The following MEP1A variants were observed in gnomAD, a reference collection of about 807,000 sequenced individuals.
MEP1A encodes meprin A subunit alpha.
Under a neutral mutation model 84.5 loss-of-function variants are expected in MEP1A, and 68 were observed. That is an observed-to-expected ratio of 0.80 (90% CI 0.66 to 0.98). The LOEUF is 0.98. MEP1A is among the 50% of genes least tolerant of loss of function. MEP1A has a pLI of 0.00. For synonymous variants in MEP1A, 337 were observed against 336.8 expected (o/e 1.00, Z -0.01); for missense variants, 887 against 919.9 (o/e 0.96, Z 0.46).
intron 3 of MEP1A, among the ~76,000 whole-genome samples, chr6:46,797,197 C>T (rs996897767): frequency 5.9e-5 from 9 of 152,204 alleles, no homozygotes; most frequent in African/African-American, 1.4e-4. Context: ...TCTGTTGGCT[C>T]GTGAGACTGT....
chr6:46,817,056 A>G (rs1225114439), intron 6 of MEP1A, among the ~76,000 whole-genome samples: 1 of 152,214 alleles, frequency 6.6e-6, no homozygotes, highest in African/African-American at 2.4e-5. Context: ...CAGATGCTCC[A>G]GTTTTCTAGG....
intron 9 of MEP1A, among the ~76,000 whole-genome samples, chr6:46,828,744 T>C (rs1768004162): frequency 6.6e-6 from 1 of 152,202 alleles, no homozygotes; most frequent in African/African-American, 2.4e-5. Flanking sequence ...TAGACACTTT[T>C]CACCCTCTTC....
rs1337162817 is a variant in MEP1A, at chr6:46,833,285, C to A, written c.1356C>A (p.Asp452Glu). Residue 452 changes from aspartate to glutamate, a missense_variant, in exon 11 of 14, where the codon GAC (aspartate) becomes GAA (glutamate). Physicochemically the swap from Asp to Glu is conservative, Grantham distance 45. Coordinates refer to ENST00000230588, the MANE Select transcript of MEP1A (RefSeq NM_005588.3). The part of the protein sequence containing the change: ...SQVLENTSKG[D>E]KLQSPRFYNS... ...TCCTTGAGAACACCAGCAAAGGGGA[C>A]AAGCTTCAGAGCCCTCGATTCTACA... 6.2e-7 allele frequency: 1 copy of A among 1,614,084 alleles called. No individual in the cohort carries two copies. Among genetic ancestry groups the A allele is most frequent in the African/African-American group, 1.3e-5 (1 of 74,930 alleles).
chr6:46,801,067 G>A (rs1425159301), intron 5 of MEP1A, among the ~76,000 whole-genome samples: 1 of 151,966 alleles, frequency 6.6e-6, no homozygotes, highest in Non-Finnish European at 1.5e-5. Flanking sequence ...TTCTGTTGGG[G>A]CTAGTATGAA....
chr6:46,835,198 G>A, intron 12 of MEP1A, 51 bp from the exon 13 acceptor site: 1 of 1,464,116 alleles, frequency 6.8e-7, no homozygotes, highest in Non-Finnish European at 9.2e-7. Flanking sequence ...GGAGTTAATT[G>A]TAGTCAGTTA....
At chr6:46,797,871 TTTCCTTCCTTCC>T (rs1162981215) in intron 3 of MEP1A, among the ~76,000 whole-genome samples, 36 of 106,998 alleles carry the variant, frequency 3.4e-4, no homozygotes, top group South Asian at 1.0e-3. Context: ...ACTTTCTACC[TTTCCTTCCTTCC>T]TTCCTTCCTT....
chr6:46,807,964 A>G (rs1456811089), intron 5 of MEP1A, among the ~76,000 whole-genome samples: 1 of 152,010 alleles, frequency 6.6e-6, no homozygotes, highest in African/African-American at 2.4e-5. Flanking sequence ...AATAATGTTG[A>G]GGTAGTTTTT....
chr6:46,831,401 C>G (rs1331426987), intron 10 of MEP1A, among the ~76,000 whole-genome samples: 1 of 152,152 alleles, frequency 6.6e-6, no homozygotes, highest in Non-Finnish European at 1.5e-5. Context: ...TATGTACACA[C>G]ACATGCACAC....
chr6:46,817,532 T>A (rs1767668720), intron 6 of MEP1A, among the ~76,000 whole-genome samples: 1 of 152,174 alleles, frequency 6.6e-6, no homozygotes, highest in Non-Finnish European at 1.5e-5. Context: ...TTCAAGGAAG[T>A]GCTAAAACCC....
intron 11 of MEP1A, 117 bp downstream of exon 11, chr6:46,833,655 A>G (rs1229832157): frequency 1.3e-6 from 1 of 749,132 alleles, no homozygotes; most frequent in Non-Finnish European, 2.2e-6. Flanking sequence ...GGGAATACCA[A>G]TAACATAGTC....
At chr6:46,831,183 T>C (rs1221305808) in intron 10 of MEP1A, among the ~76,000 whole-genome samples, 1 of 152,216 alleles carries the variant, frequency 6.6e-6, no homozygotes, top group Non-Finnish European at 1.5e-5. Flanking sequence ...AAAAGGTTAG[T>C]TGAATATCAC....
chr6:46,805,756 T>C lies in MEP1A; in HGVS notation c.263-3664T>C, dbSNP rs1767298176. On this transcript the variant is annotated intron_variant, in intron 5 of 13. Transcript: ENST00000230588. ...TGGTATGCTTATGCTGATTTTCTTT[T>C]TATCTATCCTGTTTGGGCTCACCAA... Among the ~76,000 whole-genome samples the C allele has an allele frequency of 3.3e-5, 5 of 151,982 alleles. No individual in the cohort carries two copies. The South Asian group carries it at 1.0e-3, about 31-fold the overall frequency.
rs1362506098 is a variant in MEP1A, at chr6:46,835,948, T to C, written c.2084+399T>C. ...GTTATTAGTTCCTAATTATTATTAG[T>C]TCTATAGTCTGTCATTTACACTGTA... On this transcript the variant is annotated intron_variant, in intron 13 of 13. Coordinates refer to ENST00000230588, the MANE Select transcript of MEP1A (RefSeq NM_005588.3). Among the ~76,000 whole-genome samples, 24 of 152,218 alleles carry C rather than the reference T, an allele frequency of 1.6e-4. 2 individuals are homozygous for C. The highest frequency in any genetic ancestry group is 1.6e-3 in the Admixed American group (24 of 15,288).
At chr6:46,836,793 A>ATTTTTTTTTTTTTTTTTTTTTTTTTT in intron 13 of MEP1A, among the ~76,000 whole-genome samples, 1 of 142,092 alleles carries the variant, frequency 7.0e-6, no homozygotes. Flanking sequence ...CTGGTCAGGG[A>ATTTTTTTTTTTTTTTTTTTTTTTTTT]TTTTTTTTTT....
chr6:46,833,056 C>T lies in MEP1A; in HGVS notation c.1145-18C>T. The T allele has an allele frequency of 7.0e-7, 1 of 1,427,660 alleles. No homozygotes were observed. The highest frequency in any genetic ancestry group is 9.5e-7 in the Non-Finnish European group (1 of 1,054,288). 88.4% of individuals were successfully genotyped at this position (1,427,660 alleles called of 1,614,324 possible). A position where few individuals can be genotyped will look rare whatever the true frequency, so the allele number is the denominator to read the frequency against. On this transcript the variant is annotated intron_variant, in intron 10 of 13. Coordinates refer to ENST00000230588, the MANE Select transcript of MEP1A (RefSeq NM_005588.3). Reference sequence around the variant, plus strand: ...AGTGTTGGTCACAGTTCTCACCAGCCTTGTTCTCTGTCCTCAGGAGATGAT... The same window carrying T: ...AGTGTTGGTCACAGTTCTCACCAGCTTTGTTCTCTGTCCTCAGGAGATGAT...
At position 46,829,392 on chromosome 6, in the gene MEP1A, G is replaced by A. The variant is rs1389135912; in HGVS notation, c.965G>A (p.Gly322Glu). ...GYFMQFSTSSGSAEEAALLES... is the reference protein window; with the variant it reads ...GYFMQFSTSSESAEEAALLES... ...TTCATGCAGTTCAGCACCAGCTCGG[G>A]GTCCGCGGAAGAGGCAGCCCTACTG... The change falls in exon 10 of 14, where the codon GGG becomes GAG. Residue 322 changes from glycine to glutamate, a missense_variant. Gly to Glu is a moderately conservative substitution (Grantham distance 98). Transcript: ENST00000230588. 3 of 1,613,886 alleles carry A rather than the reference G, an allele frequency of 1.9e-6. No individual in the cohort carries two copies. The highest frequency in any genetic ancestry group is 2.5e-6 in the Non-Finnish European group (3 of 1,180,032).
At chr6:46,815,491 A>G (rs1854431) in intron 6 of MEP1A, among the ~76,000 whole-genome samples, 106,287 of 152,134 alleles carry the variant, frequency 0.7, 38,155 homozygotes, top group African/African-American at 0.86. Context: ...CTGGTGACCA[A>G]GGTTGAGAAC....
intron 6 of MEP1A, among the ~76,000 whole-genome samples, chr6:46,817,879 G>A (rs1462600368): frequency 6.6e-6 from 1 of 152,198 alleles, no homozygotes; most frequent in Non-Finnish European, 1.5e-5. Context: ...AAGAGAGGAA[G>A]ATATTTTGGG....
rs769018940 is a variant in MEP1A, at chr6:46,825,433, G to A, written c.718G>A (p.Gly240Arg). 17 of 1,613,724 alleles carry A rather than the reference G, an allele frequency of 1.1e-5. No homozygotes were observed. The highest frequency in any genetic ancestry group is 2.2e-5 in the East Asian group (1 of 44,860). Residue 240 changes from glycine (G) to arginine (R), a missense_variant, in exon 8 of 14, where the codon GGA (glycine) becomes AGA (arginine). Coordinates refer to ENST00000230588, the MANE Select transcript of MEP1A (RefSeq NM_005588.3). ...AKIPEFNSII[G>R]QRLDFSAIDL... ...GATCCCTGAGTTTAACTCCATTATC[G>A]GACAGCGCCTGGATTTCAGTGCCAT... is the stretch of plus-strand genomic sequence containing the variant.
Sources: allele counts gnomAD v4.1 joint callset (sites outside exome capture counted in the v4.1 genomes callset), GRCh38; gene constraint gnomAD v4.1.1; transcripts MANE v1.5; gene names NCBI Gene and HGNC (gene_info 2026-07-23, HGNC 2026-07-21).